The following PARD3B variants were observed in gnomAD, a reference collection of about 807,000 sequenced individuals.
PARD3B encodes the protein par-3 family cell polarity regulator beta.
Under a neutral mutation model 130.2 loss-of-function variants are expected in PARD3B, and 103 were observed. That is an observed-to-expected ratio of 0.79 (90% CI 0.67 to 0.93). The LOEUF (loss-of-function observed/expected upper bound fraction) is 0.93. PARD3B is among the 40% of genes least tolerant of loss of function. PARD3B has a pLI of 0.00. For synonymous variants in PARD3B, 583 were observed against 553.2 expected (o/e 1.05, Z -0.76); for missense variants, 1,609 against 1,499.2 (o/e 1.07, Z -1.21).
At chr2:205,600,635 T>A (rs73062221) in intron 22 of PARD3B, among the ~76,000 whole-genome samples, 3,742 of 152,266 alleles carry the variant, frequency 0.025, 144 homozygotes, top group African/African-American at 0.084. Flanking sequence ...GCATTAGCTG[T>A]TTATCCTGAT....
chr2:204,859,486 A>G (rs1173653446), intron 2 of PARD3B, among the ~76,000 whole-genome samples: 2 of 152,222 alleles, frequency 1.3e-5, no homozygotes, highest in East Asian at 1.9e-4. Flanking sequence ...TATGGTGTAC[A>G]TTGCTATCTG....
intron 19 of PARD3B, among the ~76,000 whole-genome samples, chr2:205,412,375 A>G (rs2046629986): frequency 6.6e-6 from 1 of 152,180 alleles, no homozygotes. Context: ...ACCATATTAA[A>G]CAACAGTAAC....
chr2:205,027,514 C>T (rs987050653), intron 3 of PARD3B, among the ~76,000 whole-genome samples: 2 of 151,934 alleles, frequency 1.3e-5, no homozygotes, highest in Non-Finnish European at 2.9e-5. Flanking sequence ...CATAGGTTGC[C>T]TTTTCATTTT....
At position 205,104,432 on chromosome 2, in the gene PARD3B, A is replaced by T. The variant is rs752891451; in HGVS notation, c.511A>T (p.Thr171Ser). Residue 171 changes from threonine to serine, a missense_variant, in exon 5 of 23, where the codon ACG (threonine) becomes TCG (serine). By Grantham distance (58) the Thr-to-Ser change is moderately conservative. Coordinates refer to ENST00000406610, the MANE Select transcript of PARD3B (RefSeq NM_001302769.2). ...TGACTTTGTTTCACTATAGGATTCC[A>T]CGCAGAACTTGGAAGACAGAGAAGT... ...QSLKLVVPDS[T>S]QNLEDREVLN... 17 of 1,595,214 alleles carry T rather than the reference A, an allele frequency of 1.1e-5. No individual in the cohort carries two copies. The South Asian group carries it at 1.1e-4, about 10-fold the overall frequency.
rs73982591 is a variant in PARD3B at position 204,868,744 on chromosome 2, C to A, written c.223-96408C>A. 8.2e-3 allele frequency among the ~76,000 whole-genome samples: 1,244 copies of A among 152,216 alleles called. 10 individuals are homozygous for A. Among genetic ancestry groups the A allele is most frequent in the African/African-American group, 0.028 (1,148 of 41,540 alleles). On this transcript the variant is annotated intron_variant, in intron 2 of 22. Transcript: ENST00000406610. ...GTCACGAATGTAGTATATTTAAGTTCAAAACTTAGAGTTTCTTAATCTGTT... is the reference window on the plus strand; with the variant it reads ...GTCACGAATGTAGTATATTTAAGTTAAAAACTTAGAGTTTCTTAATCTGTT...
intron 2 of PARD3B, among the ~76,000 whole-genome samples, chr2:204,739,757 A>G (rs1272516858): frequency 5.9e-5 from 9 of 152,000 alleles, no homozygotes; most frequent in Non-Finnish European, 1.3e-4. Context: ...TGGCCTCATT[A>G]TGTCTATTTT....
chr2:205,065,906 A>G (rs1700342585), intron 4 of PARD3B, among the ~76,000 whole-genome samples: 1 of 152,168 alleles, frequency 6.6e-6, no homozygotes, highest in Non-Finnish European at 1.5e-5. Flanking sequence ...ATACTCCATT[A>G]TAGGAACACA....
chr2:204,962,886 A>G (rs1690878310), intron 2 of PARD3B, among the ~76,000 whole-genome samples: 2 of 152,174 alleles, frequency 1.3e-5, no homozygotes, highest in South Asian at 4.1e-4. Flanking sequence ...AGTCTAAGCA[A>G]TTGATTTTAA....
rs957615326 is a variant in PARD3B at position 204,959,972 on chromosome 2, C to A, written c.223-5180C>A. 2.0e-5 allele frequency among the ~76,000 whole-genome samples: 3 copies of A among 152,152 alleles called. No individual in the cohort carries two copies. The South Asian group carries it at 6.2e-4, about 31-fold the overall frequency. On this transcript the variant is annotated intron_variant, in intron 2 of 22. Coordinates refer to ENST00000406610, the MANE Select transcript of PARD3B (RefSeq NM_001302769.2). ...CCTCTTTCTCTCAAACAGGGTTACC[C>A]AAATCATGAGATAAACATTTCACTT...
chr2:204,984,664 G>T lies in PARD3B; in HGVS notation c.394+19341G>T, dbSNP rs562858357. On this transcript the variant is annotated intron_variant, in intron 3 of 22. Transcript: ENST00000406610. ...AGCGGCCCTGGAATTTGTAGGAGGGGCTTTCTCCTCTTTGAGGAGCCAGAT... is the reference window on the plus strand; with the variant it reads ...AGCGGCCCTGGAATTTGTAGGAGGGTCTTTCTCCTCTTTGAGGAGCCAGAT... Among the ~76,000 whole-genome samples, 7 of 152,220 alleles carry T rather than the reference G, an allele frequency of 4.6e-5. No homozygotes were observed. The East Asian group carries it at 1.2e-3, about 25-fold the overall frequency.
chr2:204,947,801 A>G (rs1689454120), intron 2 of PARD3B, among the ~76,000 whole-genome samples: 1 of 152,218 alleles, frequency 6.6e-6, no homozygotes. Flanking sequence ...TCTAAAGGAA[A>G]GTGACATGTC....
chr2:204,622,673 G>T (rs1355352210), intron 1 of PARD3B, among the ~76,000 whole-genome samples: 1 of 151,692 alleles, frequency 6.6e-6, no homozygotes, highest in Non-Finnish European at 1.5e-5. Context: ...TTATTTTTAT[G>T]GATGATAAAA....
chr2:205,418,132 A>G (rs2046843946), intron 19 of PARD3B, among the ~76,000 whole-genome samples: 1 of 152,120 alleles, frequency 6.6e-6, no homozygotes, highest in South Asian at 2.1e-4. Context: ...ATGAATTTTC[A>G]TACTTTTGAT....
chr2:205,374,466 C>T (rs2044955034), intron 18 of PARD3B, among the ~76,000 whole-genome samples: 1 of 152,140 alleles, frequency 6.6e-6, no homozygotes. Flanking sequence ...AACCCCTGAC[C>T]TCATGATCCG....
intron 1 of PARD3B, among the ~76,000 whole-genome samples, chr2:204,674,542 G>A (rs1469506447): frequency 1.3e-5 from 2 of 151,640 alleles, no homozygotes; most frequent in Non-Finnish European, 2.9e-5. Flanking sequence ...GGGTGTTGGC[G>A]GGAGGTAGGT....
chr2:205,301,796 T>A lies in PARD3B; in HGVS notation c.2630+95T>A. 1 of 1,591,176 alleles carries A rather than the reference T, an allele frequency of 6.3e-7. No individual in the cohort carries two copies. Among genetic ancestry groups the A allele is most frequent in the Non-Finnish European group, 8.6e-7 (1 of 1,159,218 alleles). ...GTACTCAGAAAAAAGCGCACGCTTT[T>A]CCTCGTCTTCAGCCAAATGCATACG... is the stretch of plus-strand genomic sequence containing the variant. On this transcript the variant is annotated intron_variant, in intron 18 of 22. Transcript: ENST00000406610. This position sits in a 1 kb window ranked among gnomAD's most constrained non-coding sequence, Gnocchi z 5.2.
chr2:205,108,690 C>A (rs913082000), intron 5 of PARD3B, among the ~76,000 whole-genome samples: 14 of 152,112 alleles, frequency 9.2e-5, no homozygotes, highest in African/African-American at 2.9e-4. Context: ...AGCTTCCCTT[C>A]CTAATCCTGT....
At chr2:205,194,205 A>G (rs185897640) in intron 15 of PARD3B, among the ~76,000 whole-genome samples, 32 of 152,366 alleles carry the variant, frequency 2.1e-4, no homozygotes, top group African/African-American at 6.7e-4. Flanking sequence ...AAATAGAATA[A>G]TCAAAAGTGC....
chr2:204,873,403 G>A (rs912901415), intron 2 of PARD3B, among the ~76,000 whole-genome samples: 3 of 152,144 alleles, frequency 2.0e-5, no homozygotes, highest in South Asian at 2.1e-4. Context: ...ATTTAGACTC[G>A]GTTGTCTGAT....
Sources: gnomAD v4.1 joint callset for allele counts (sites outside exome capture counted in the v4.1 genomes callset) on GRCh38, gnomAD v4.1.1 for gene constraint, Gnocchi (gnomAD v3.1) non-coding constraint, MANE v1.5 for transcripts, NCBI Gene and HGNC (gene_info 2026-07-23, HGNC 2026-07-21) for gene names.